SPAG16: variants seen among roughly 807,000 people sequenced by gnomAD.
SPAG16 encodes the protein sperm associated antigen 16, also known as sperm-associated antigen 16 protein.
Under a neutral mutation model 80.4 loss-of-function variants are expected in SPAG16, and 86 were observed. The ratio of observed to expected loss-of-function variants is 1.07; its 90% CI spans 0.90 to 1.28. The LOEUF is 1.28. SPAG16 is among the 50% of genes most tolerant of loss of function. The pLI is 0.00. For missense variants in SPAG16, 870 were observed against 765.3 expected, an observed-to-expected ratio of 1.14 and a Z score of -1.61; for synonymous variants, 294 against 265.9, an observed-to-expected ratio of 1.11 and a Z score of -1.03.
chr2:214,149,926 T>C (rs1296463065), intron 15 of SPAG16, among the ~76,000 whole-genome samples: 1 of 152,072 alleles, frequency 6.6e-6, no homozygotes, highest in East Asian at 1.9e-4. Flanking sequence ...AAAAATACAG[T>C]TGCATCTGCA....
intron 10 of SPAG16, among the ~76,000 whole-genome samples, chr2:213,624,550 A>G (rs559963836): frequency 6.6e-6 from 1 of 152,290 alleles, no homozygotes; most frequent in African/African-American, 2.4e-5. Flanking sequence ...AGTGAATTAC[A>G]ATGATAAAAA....
chr2:214,002,355 CAATA>C (rs1002379587), intron 12 of SPAG16, among the ~76,000 whole-genome samples: 3 of 151,944 alleles, frequency 2.0e-5, no homozygotes, highest in Non-Finnish European at 2.9e-5. Context: ...AAAAACAAAA[CAATA>C]AATAAGGCAA....
At chr2:213,611,939 A>G (rs2061450878) in intron 10 of SPAG16, among the ~76,000 whole-genome samples, 1 of 152,208 alleles carries the variant, frequency 6.6e-6, no homozygotes. Context: ...TCCACAATCA[A>G]TATTTTTTAT....
intron 7 of SPAG16, among the ~76,000 whole-genome samples, chr2:213,350,977 A>C (rs761741284): frequency 6.6e-6 from 1 of 151,512 alleles, no homozygotes; most frequent in African/African-American, 2.4e-5. Context: ...TACAAAAAAA[A>C]AAAAACAAAA....
intron 10 of SPAG16, among the ~76,000 whole-genome samples, chr2:213,862,265 G>A (rs6739423): frequency 0.34 from 51,989 of 151,766 alleles, 9,339 homozygotes; most frequent in South Asian, 0.47. Context: ...TGAGGAATCC[G>A]AGATCCAGTG....
intron 10 of SPAG16, among the ~76,000 whole-genome samples, chr2:213,504,461 A>C (rs940547919): frequency 6.6e-6 from 1 of 152,178 alleles, no homozygotes; most frequent in Non-Finnish European, 1.5e-5. Context: ...CAAATAAAAA[A>C]GTTGAACTTG....
At chr2:214,279,939 A>T (rs1692786505) in intron 15 of SPAG16, among the ~76,000 whole-genome samples, 1 of 152,230 alleles carries the variant, frequency 6.6e-6, no homozygotes, top group Non-Finnish European at 1.5e-5. Flanking sequence ...TGGCAATGAA[A>T]ATACAAACAT....
chr2:213,419,771 A>C (rs1441535853), intron 9 of SPAG16, among the ~76,000 whole-genome samples: 1 of 152,208 alleles, frequency 6.6e-6, no homozygotes, highest in Non-Finnish European at 1.5e-5. Context: ...TTTGAACCAA[A>C]AGTATGATTT....
At chr2:213,702,066 C>T (rs377426766) in intron 10 of SPAG16, among the ~76,000 whole-genome samples, 1 of 152,138 alleles carries the variant, frequency 6.6e-6, no homozygotes, top group African/African-American at 2.4e-5. Context: ...CTAGTGGGGA[C>T]TTGGAGAACT....
chr2:213,910,388 A>G (rs765971414), intron 11 of SPAG16, among the ~76,000 whole-genome samples: 17 of 152,224 alleles, frequency 1.1e-4, no homozygotes, highest in Non-Finnish European at 1.9e-4. Flanking sequence ...AGCAAACAAA[A>G]CAAAACAAAA....
At chr2:214,391,015 T>A (rs895370140) in intron 15 of SPAG16, among the ~76,000 whole-genome samples, 3 of 150,086 alleles carry the variant, frequency 2.0e-5, no homozygotes, top group Admixed American at 6.7e-5. Flanking sequence ...GATGTGATGG[T>A]TCTTAGAAGA....
intron 13 of SPAG16, among the ~76,000 whole-genome samples, chr2:214,035,363 C>T (rs999888716): frequency 6.6e-6 from 1 of 152,208 alleles, no homozygotes; most frequent in African/African-American, 2.4e-5. Flanking sequence ...TGCCCAGGAG[C>T]CTGTCTGCTT....
intron 12 of SPAG16, among the ~76,000 whole-genome samples, chr2:213,958,019 T>A (rs1421624042): frequency 6.6e-6 from 1 of 152,024 alleles, no homozygotes; most frequent in African/African-American, 2.4e-5. Context: ...AGAAGCAGTT[T>A]TATTATTTGC....
intron 10 of SPAG16, among the ~76,000 whole-genome samples, chr2:213,819,658 T>C (rs1345601882): frequency 6.6e-6 from 1 of 152,152 alleles, no homozygotes; most frequent in East Asian, 1.9e-4. Context: ...AATCTTCTTG[T>C]CTCAGCCTCC....
At chr2:213,920,754 C>T (rs896634297) in intron 11 of SPAG16, among the ~76,000 whole-genome samples, 8 of 152,316 alleles carry the variant, frequency 5.3e-5, no homozygotes, top group Middle Eastern at 3.4e-3. Context: ...CTGAGAGTTT[C>T]CCTAGGGATA....
chr2:213,316,469 A>G (rs1437435293), intron 4 of SPAG16, among the ~76,000 whole-genome samples: 2 of 151,992 alleles, frequency 1.3e-5, no homozygotes, highest in Non-Finnish European at 2.9e-5. Flanking sequence ...TAAAACATAA[A>G]TCTGGTCAGT....
At chr2:213,606,266 T>C (rs1053130504) in intron 10 of SPAG16, among the ~76,000 whole-genome samples, 11 of 152,228 alleles carry the variant, frequency 7.2e-5, no homozygotes, top group African/African-American at 2.7e-4. Context: ...CACATTCGTG[T>C]ATGAGTCTTT....
intron 15 of SPAG16, among the ~76,000 whole-genome samples, chr2:214,150,246 G>T (rs1032979982): frequency 6.6e-6 from 1 of 151,966 alleles, no homozygotes; most frequent in Non-Finnish European, 1.5e-5. Flanking sequence ...TCTTGGGACT[G>T]GTTTCATAAT....
In SPAG16 at chr2:213,686,674, C is replaced by CTT. The variant is rs748200040; in HGVS notation, c.1071-175782_1071-175781dup. ...TTGGTATGGTTAGGTATTAATCCAC[C>CTT]TTTTTTTTTTTTTTTTTTTTTTTTT... On this transcript the variant is annotated intron_variant, in intron 10 of 15. Coordinates refer to ENST00000331683, the MANE Select transcript of SPAG16 (RefSeq NM_024532.5). 1.4e-3 allele frequency among the ~76,000 whole-genome samples: 118 copies of CTT among 86,154 alleles called. 13 individuals are homozygous for CTT. Among genetic ancestry groups the CTT allele is most frequent in the Non-Finnish European group, 1.8e-3 (73 of 40,858 alleles). The allele number at this position is 86,154 out of a possible 152,430, so 56.5% of individuals were successfully genotyped here.
Sources: gnomAD v4.1 joint callset for allele counts (sites outside exome capture counted in the v4.1 genomes callset) on GRCh38, gnomAD v4.1.1 for gene constraint, MANE v1.5 for transcripts, NCBI Gene and HGNC (gene_info 2026-07-23, HGNC 2026-07-21) for gene names.